GRIP1: variants seen among roughly 807,000 people sequenced by gnomAD.
GRIP1 encodes the protein glutamate receptor-interacting protein 1.
A neutral mutation model predicts 129.9 loss-of-function variants in GRIP1; 45 were observed. That is an observed-to-expected ratio of 0.35 (90% CI 0.27 to 0.44). The LOEUF (loss-of-function observed/expected upper bound fraction) is 0.44. GRIP1 is among the 20% of genes least tolerant of loss of function. GRIP1 has a pLI of 1.00. For missense variants in GRIP1, 1,196 were observed against 1,396.8 expected (o/e 0.86, Z 2.29); for synonymous variants, 530 against 520.8 (o/e 1.02, Z -0.24).
intron 13 of GRIP1, among the ~76,000 whole-genome samples, chr12:66,434,743 A>C (rs1490257933): frequency 2.0e-5 from 3 of 152,246 alleles, no homozygotes; most frequent in African/African-American, 7.2e-5. Flanking sequence ...TCAAAGTGAC[A>C]GTTTAAGAAT....
At chr12:66,474,366 A>T (rs938671807) in intron 7 of GRIP1, among the ~76,000 whole-genome samples, 65 of 152,168 alleles carry the variant, frequency 4.3e-4, no homozygotes, top group African/African-American at 1.5e-3. Context: ...TGTACCTGAA[A>T]GTGACAGAGA....
chr12:66,766,283 A>T (rs1426228817), intron 1 of GRIP1, among the ~76,000 whole-genome samples: 1 of 152,196 alleles, frequency 6.6e-6, no homozygotes, highest in Non-Finnish European at 1.5e-5. Flanking sequence ...CCTTTCCAGG[A>T]CTGGCCTCCA....
At chr12:66,625,565 G>C (rs184824097) in intron 1 of GRIP1, among the ~76,000 whole-genome samples, 1 of 152,168 alleles carries the variant, frequency 6.6e-6, no homozygotes, top group East Asian at 1.9e-4. Context: ...TATTGTAATT[G>C]CTTTCTGACA....
intron 7 of GRIP1, among the ~76,000 whole-genome samples, chr12:66,499,937 G>A (rs534870617): frequency 6.6e-6 from 1 of 152,076 alleles, no homozygotes; most frequent in African/African-American, 2.4e-5. Flanking sequence ...TTGAGCCCAG[G>A]GGGTCAGGGC....
Position 66,392,429 on chromosome 12 carries a change from GTCC to G in GRIP1, c.2340_2342del (p.Glu780del), listed in dbSNP as rs778663653. The G allele has an allele frequency of 3.1e-6, 5 of 1,613,970 alleles. No homozygotes were observed. Among genetic ancestry groups the G allele is most frequent in the Admixed American group, 1.7e-5 (1 of 60,016 alleles). On this transcript the variant is annotated inframe_deletion, in exon 19 of 25. Coordinates refer to ENST00000359742, the MANE Select transcript of GRIP1 (RefSeq NM_001366722.1). ...TGCCTGGCTTCTGTGCTGGTGAGGA[GTCC>G]TCCTCCACATCCCCCAGGTCACTCA...
At chr12:66,538,976 A>T in intron 4 of GRIP1, 102 bp downstream of exon 4, 8 of 983,810 alleles carry the variant, frequency 8.1e-6, no homozygotes, top group Non-Finnish European at 1.3e-5. Context: ...TGTATAGAAA[A>T]AAACCTGATA....
chr12:66,397,509 TCTAAAAA>T, intron 16 of GRIP1, among the ~76,000 whole-genome samples: 1 of 147,006 alleles, frequency 6.8e-6, no homozygotes, highest in East Asian at 2.0e-4. Context: ...CAAGACACCC[TCTAAAAA>T]AAAAAAAAAA....
chr12:66,575,819 C>T (rs1047335721), intron 2 of GRIP1, among the ~76,000 whole-genome samples: 1 of 152,126 alleles, frequency 6.6e-6, no homozygotes, highest in African/African-American at 2.4e-5. Flanking sequence ...GTTGTACCTC[C>T]AGTGGCTTCA....
intron 1 of GRIP1, among the ~76,000 whole-genome samples, chr12:66,911,892 C>A (rs2041035941): frequency 6.6e-6 from 1 of 152,192 alleles, no homozygotes; most frequent in Admixed American, 6.5e-5. Flanking sequence ...CAATTCCTGG[C>A]ACCAGCATCT....
chr12:66,410,240 A>C (rs2057344121), intron 15 of GRIP1, among the ~76,000 whole-genome samples: 2 of 71,410 alleles, frequency 2.8e-5, no homozygotes, highest in Non-Finnish European at 5.6e-5. Context: ...ACAGAGCGAG[A>C]CTCCGTCTCA....
intron 1 of GRIP1, among the ~76,000 whole-genome samples, chr12:66,983,375 GTATTGT>G (rs1222853631): frequency 6.6e-6 from 1 of 151,966 alleles, no homozygotes; most frequent in African/African-American, 2.4e-5. Context: ...TAAATATAAG[GTATTGT>G]TATTATTATT....
chr12:66,714,360 G>A (rs1163695425), intron 1 of GRIP1, among the ~76,000 whole-genome samples: 1 of 151,996 alleles, frequency 6.6e-6, no homozygotes, highest in African/African-American at 2.4e-5. Context: ...AAGACTATAA[G>A]AGTTAATGGA....
At chr12:66,621,964 A>T (rs7300761) in intron 1 of GRIP1, among the ~76,000 whole-genome samples, 24 of 151,834 alleles carry the variant, frequency 1.6e-4, no homozygotes, top group Non-Finnish European at 3.2e-4. Context: ...TTTGCTGTTG[A>T]GTTGTAAAAT....
At chr12:66,693,377 C>T (rs537878316) in intron 1 of GRIP1, among the ~76,000 whole-genome samples, 29 of 152,258 alleles carry the variant, frequency 1.9e-4, no homozygotes, top group African/African-American at 6.0e-4. Flanking sequence ...CCTGCATTCC[C>T]GCATGCAACT....
chr12:66,533,354 A>T (rs780651445), intron 4 of GRIP1, among the ~76,000 whole-genome samples: 11 of 151,882 alleles, frequency 7.2e-5, no homozygotes, highest in Non-Finnish European at 1.6e-4. Flanking sequence ...CTTTTAATAC[A>T]TAAATATCAG....
intron 1 of GRIP1, among the ~76,000 whole-genome samples, chr12:66,938,551 G>C (rs1295395044): frequency 6.6e-6 from 1 of 152,120 alleles, no homozygotes; most frequent in Non-Finnish European, 1.5e-5. Context: ...AGGGTTCGAG[G>C]GGTATGTAAG....
chr12:66,527,068 A>G (rs1241483722), intron 5 of GRIP1, among the ~76,000 whole-genome samples: 1 of 145,770 alleles, frequency 6.9e-6, no homozygotes, highest in African/African-American at 2.6e-5. Flanking sequence ...ACATTTTTAC[A>G]CTGTTGGTGG....
At chr12:66,531,096 G>A (rs914940426) in intron 4 of GRIP1, among the ~76,000 whole-genome samples, 1 of 151,648 alleles carries the variant, frequency 6.6e-6, no homozygotes, top group East Asian at 1.9e-4. Flanking sequence ...TCAGCTGGGC[G>A]TGGTGGAAGA....
At chr12:66,816,638 A>G (rs1036450108) in intron 1 of GRIP1, among the ~76,000 whole-genome samples, 1 of 152,204 alleles carries the variant, frequency 6.6e-6, no homozygotes, top group African/African-American at 2.4e-5. Context: ...AAGAAAACAC[A>G]AAAACTTGAG....
Sources: gnomAD v4.1 joint callset for allele counts (sites outside exome capture counted in the v4.1 genomes callset) on GRCh38, gnomAD v4.1.1 for gene constraint, MANE v1.5 for transcripts, NCBI Gene and HGNC (gene_info 2026-07-23, HGNC 2026-07-21) for gene names.